GRID1: variants seen among roughly 807,000 people sequenced by gnomAD.
GRID1 encodes glutamate ionotropic receptor delta type subunit 1, also known as glutamate receptor ionotropic, delta-1.
Under a neutral mutation model 98.0 loss-of-function variants are expected in GRID1, and 28 were observed. The ratio of observed to expected loss-of-function variants is 0.29; its 90% CI spans 0.21 to 0.39. The LOEUF (loss-of-function observed/expected upper bound fraction) is 0.39, where lower values mean the gene tolerates loss of function less well. Among genes scored for constraint, GRID1 ranks in the 10% least tolerant of loss-of-function variants. GRID1 has a pLI of 1.00. For synonymous variants in GRID1, 553 were observed against 538.5 expected (o/e 1.03, Z -0.37); for missense variants, 1,111 against 1,340.5 (o/e 0.83, Z 2.67).
At chr10:85,666,459 G>A (rs950448428) in intron 12 of GRID1, among the ~76,000 whole-genome samples, 3 of 152,190 alleles carry the variant, frequency 2.0e-5, no homozygotes, top group African/African-American at 7.2e-5. Flanking sequence ...CTGGCAGAGG[G>A]TGCACTGGGA....
intron 4 of GRID1, among the ~76,000 whole-genome samples, chr10:85,969,821 A>G (rs1226872806): frequency 6.6e-6 from 1 of 152,038 alleles, no homozygotes; most frequent in Non-Finnish European, 1.5e-5. Context: ...CAAAATAAGG[A>G]AAATTAAGGA....
At chr10:85,706,719 A>C (rs1466156333) in intron 12 of GRID1, among the ~76,000 whole-genome samples, 2 of 152,204 alleles carry the variant, frequency 1.3e-5, no homozygotes, top group African/African-American at 2.4e-5. Flanking sequence ...CAATACTACA[A>C]GGCTACAGTC....
intron 2 of GRID1, among the ~76,000 whole-genome samples, chr10:86,287,379 A>T (rs749730315): frequency 6.6e-6 from 1 of 152,246 alleles, no homozygotes; most frequent in Non-Finnish European, 1.5e-5. Flanking sequence ...CCTGGGCACC[A>T]TTCCTGGTCC....
chr10:85,667,485 C>A (rs1841034699), intron 12 of GRID1, among the ~76,000 whole-genome samples: 1 of 152,100 alleles, frequency 6.6e-6, no homozygotes, highest in South Asian at 2.1e-4. Flanking sequence ...CAGAAAAACC[C>A]TTTTAGGTTG....
At chr10:86,356,450 T>C (rs550254140) in intron 2 of GRID1, among the ~76,000 whole-genome samples, 2 of 152,368 alleles carry the variant, frequency 1.3e-5, no homozygotes, top group East Asian at 1.9e-4. Flanking sequence ...CCTGGATCCC[T>C]TGTGACTGGC....
intron 3 of GRID1, among the ~76,000 whole-genome samples, chr10:86,156,447 T>G (rs537543226): frequency 6.6e-6 from 1 of 152,152 alleles, no homozygotes; most frequent in African/African-American, 2.4e-5. Flanking sequence ...TAGACAAAGC[T>G]GGTAGGAGAC....
intron 2 of GRID1, among the ~76,000 whole-genome samples, chr10:86,261,235 T>G (rs1847011518): frequency 6.6e-6 from 1 of 152,226 alleles, no homozygotes; most frequent in African/African-American, 2.4e-5. Context: ...CAGAACCAAA[T>G]TTGAAGCTAC....
chr10:85,946,833 G>A (rs773333917), intron 4 of GRID1, among the ~76,000 whole-genome samples: 2 of 152,182 alleles, frequency 1.3e-5, no homozygotes, highest in Non-Finnish European at 2.9e-5. Context: ...TCCCCAGTGT[G>A]GCCTGTGGAG....
Position 86,323,378 on chromosome 10 carries a change from T to C in GRID1, c.235+40563A>G, listed in dbSNP as rs1847997315. ...ACTGGTGCAGAGCACACACTGTATTTGACTTAGCAGTCACTGTTCCTGAGG... is the reference window on the plus strand; with the variant it reads ...ACTGGTGCAGAGCACACACTGTATTCGACTTAGCAGTCACTGTTCCTGAGG... On this transcript the variant is annotated intron_variant, in intron 2 of 15. Coordinates refer to ENST00000327946, the MANE Select transcript of GRID1 (RefSeq NM_017551.3). 2.0e-5 allele frequency among the ~76,000 whole-genome samples: 3 copies of C among 152,254 alleles called. No homozygotes were observed. The South Asian group carries it at 6.2e-4, about 32-fold the overall frequency.
intron 4 of GRID1, among the ~76,000 whole-genome samples, chr10:86,044,440 C>T (rs986545250): frequency 2.0e-5 from 3 of 152,168 alleles, no homozygotes; most frequent in African/African-American, 7.2e-5. Flanking sequence ...AGAACTGGGA[C>T]ATTGCTGATC....
intron 8 of GRID1, among the ~76,000 whole-genome samples, chr10:85,834,536 T>C (rs1381648113): frequency 6.6e-6 from 1 of 152,210 alleles, no homozygotes; most frequent in East Asian, 1.9e-4. Context: ...AATATGAGTA[T>C]ATACTATCCT....
chr10:86,356,011 G>A lies in GRID1; in HGVS notation c.235+7930C>T, dbSNP rs890255206. Among the ~76,000 whole-genome samples the A allele has an allele frequency of 9.8e-5, 15 of 152,340 alleles. No homozygotes were observed. In the East Asian group the frequency reaches 2.1e-3, roughly 22 times the overall value. ...GGAGGTCATGGGTGCTGGTCCTGTC[G>A]GTGGCTGGGCAGAGAACCCAATCTT... On this transcript the variant is annotated intron_variant, in intron 2 of 15. Transcript: ENST00000327946.
intron 4 of GRID1, among the ~76,000 whole-genome samples, chr10:86,018,510 C>T (rs987736581): frequency 2.0e-5 from 3 of 152,250 alleles, no homozygotes; most frequent in Non-Finnish European, 4.4e-5. Flanking sequence ...CAACCTGTCT[C>T]TCACTCCAAC....
chr10:86,298,620 G>A (rs1254719677), intron 2 of GRID1, among the ~76,000 whole-genome samples: 2 of 152,110 alleles, frequency 1.3e-5, no homozygotes, highest in Non-Finnish European at 1.5e-5. Flanking sequence ...CCACCTCCCT[G>A]GAAAGGCCCC....
chr10:85,854,640 T>C, intron 7 of GRID1, 25 bp from the exon 8 acceptor site: 1 of 1,613,554 alleles, frequency 6.2e-7, no homozygotes, highest in Non-Finnish European at 8.5e-7. Context: ...AAAAACCCAT[T>C]GGAAAATCTG....
intron 4 of GRID1, among the ~76,000 whole-genome samples, chr10:86,065,958 T>C (rs1843714524): frequency 6.6e-6 from 1 of 152,228 alleles, no homozygotes; most frequent in African/African-American, 2.4e-5. Context: ...TAACAATGCC[T>C]TTCCCTGCAA....
At chr10:85,666,019 A>G (rs1841015816) in intron 12 of GRID1, among the ~76,000 whole-genome samples, 1 of 152,186 alleles carries the variant, frequency 6.6e-6, no homozygotes, top group Admixed American at 6.5e-5. Context: ...TGTCTCCTAA[A>G]CCCAAAGAAA....
chr10:85,871,888 T>C (rs1245714064), intron 5 of GRID1, among the ~76,000 whole-genome samples: 1 of 152,188 alleles, frequency 6.6e-6, no homozygotes, highest in East Asian at 1.9e-4. Context: ...CAAATGCTAT[T>C]ACATATTGGA....
intron 4 of GRID1, among the ~76,000 whole-genome samples, chr10:86,129,581 T>C (rs559493246): frequency 2.0e-5 from 3 of 152,260 alleles, no homozygotes; most frequent in African/African-American, 7.2e-5. Flanking sequence ...CCTGTCTTCA[T>C]CCCTCCCTCT....
Sources: gnomAD v4.1 joint callset for allele counts (sites outside exome capture counted in the v4.1 genomes callset) on GRCh38, gnomAD v4.1.1 for gene constraint, MANE v1.5 for transcripts, NCBI Gene and HGNC (gene_info 2026-07-23, HGNC 2026-07-21) for gene names.